Variants in RIGI observed in about 807,000 individuals in gnomAD.
The protein encoded by RIGI is RNA sensor RIG-I.
chr9:32,502,685 G>C, the RIGI span, among the ~76,000 whole-genome samples: 8 of 152,152 alleles, frequency 5.3e-5, no homozygotes, highest in South Asian at 2.1e-4. Flanking sequence ...GAAGGCTCTG[G>C]GGAGAATGCA....
chr9:32,479,574 T>A, the RIGI span, among the ~76,000 whole-genome samples: 1 of 152,134 alleles, frequency 6.6e-6, no homozygotes, highest in African/African-American at 2.4e-5. Flanking sequence ...CAGTGGCTCA[T>A]GCCTGTAATT....
At chr9:32,476,263 A>G in the RIGI span, among the ~76,000 whole-genome samples, 1 of 152,206 alleles carries the variant, frequency 6.6e-6, no homozygotes, top group Non-Finnish European at 1.5e-5. Flanking sequence ...TGAGAGGGCA[A>G]GGTGGGAGGA....
the RIGI span, among the ~76,000 whole-genome samples, chr9:32,522,305 A>T: frequency 6.6e-6 from 1 of 152,198 alleles, no homozygotes. Flanking sequence ...TACCCTTTTA[A>T]ACAGAATTTG....
At chr9:32,480,414 A>C in the RIGI span, 1 of 1,449,992 alleles carries the variant, frequency 6.9e-7, no homozygotes, top group Non-Finnish European at 9.3e-7. Flanking sequence ...CACTGTATTT[A>C]AGTTCAATTC....
At chr9:32,474,367 GC>G in the RIGI span, among the ~76,000 whole-genome samples, 1 of 152,142 alleles carries the variant, frequency 6.6e-6, no homozygotes, top group African/African-American at 2.4e-5. Context: ...CTCTAAGGTA[GC>G]CCTCAATGAT....
the RIGI span, chr9:32,477,202 T>C: frequency 5.1e-6 from 8 of 1,555,438 alleles, no homozygotes; most frequent in Non-Finnish European, 7.0e-6. Flanking sequence ...GACCTTTAGC[T>C]ATCGTTCAAA....
At chr9:32,477,823 G>T in the RIGI span, among the ~76,000 whole-genome samples, 2 of 151,904 alleles carry the variant, frequency 1.3e-5, no homozygotes, top group African/African-American at 2.4e-5. Flanking sequence ...TCCTCAGGAG[G>T]ATGAGGCAGG....
chr9:32,461,044 GAAAA>G, the RIGI span, among the ~76,000 whole-genome samples: 11 of 145,606 alleles, frequency 7.6e-5, no homozygotes, highest in African/African-American at 1.3e-4. Context: ...AAAGCAGCCA[GAAAA>G]AAAAAAAAAA....
the RIGI span, among the ~76,000 whole-genome samples, chr9:32,499,226 T>C: frequency 3.2e-5 from 4 of 124,084 alleles, no homozygotes; most frequent in South Asian, 1.1e-3. Context: ...TTTTTCCAGT[T>C]GATTTTAAGA....
At chr9:32,525,979 T>G in the RIGI span, 1 of 1,093,152 alleles carries the variant, frequency 9.1e-7, no homozygotes, top group Non-Finnish European at 1.4e-6. Flanking sequence ...CTCTCTGCAT[T>G]GATTAAAAGA....
the RIGI span, chr9:32,480,229 CTGAG>C: frequency 6.3e-7 from 1 of 1,596,776 alleles, no homozygotes; most frequent in Non-Finnish European, 8.6e-7. Flanking sequence ...CTTCAAATCT[CTGAG>C]TAAGATCTTG....
the RIGI span, among the ~76,000 whole-genome samples, chr9:32,482,436 C>T: frequency 6.6e-6 from 1 of 152,204 alleles, no homozygotes; most frequent in Non-Finnish European, 1.5e-5. Context: ...CCAAGCTCTA[C>T]TGGCTCTATG....
At chr9:32,467,825 G>A in the RIGI span, 3 of 1,613,740 alleles carry the variant, frequency 1.9e-6, no homozygotes, top group Admixed American at 1.7e-5. Context: ...AGATTGCACT[G>A]TGCAATGTCA....
the RIGI span, among the ~76,000 whole-genome samples, chr9:32,464,599 A>C: frequency 6.6e-6 from 1 of 151,994 alleles, no homozygotes; most frequent in Non-Finnish European, 1.5e-5. Flanking sequence ...CCGTGGTCTC[A>C]ATCTCCTGAC....
the RIGI span, chr9:32,494,022 T>G: frequency 9.3e-7 from 1 of 1,074,578 alleles, no homozygotes; most frequent in Non-Finnish European, 1.3e-6. Flanking sequence ...AGAAATCATG[T>G]TTGAATGTAT....
At chr9:32,526,000 G>T in the RIGI span, 2 of 1,283,656 alleles carry the variant, frequency 1.6e-6, no homozygotes, top group Non-Finnish European at 2.3e-6. Context: ...AGGGAACGAA[G>T]CAAGAGAAAA....
At chr9:32,465,449 C>G in the RIGI span, among the ~76,000 whole-genome samples, 5 of 152,192 alleles carry the variant, frequency 3.3e-5, no homozygotes, top group Non-Finnish European at 7.3e-5. Flanking sequence ...TGAAGTTAAA[C>G]TATGTCTCAC....
the RIGI span, among the ~76,000 whole-genome samples, chr9:32,521,466 A>G: frequency 6.6e-6 from 1 of 152,262 alleles, no homozygotes; most frequent in African/African-American, 2.4e-5. Context: ...TTTTGGCTAA[A>G]TGAATAACTA....
the RIGI span, chr9:32,489,493 C>G: frequency 1.5e-6 from 2 of 1,318,920 alleles, no homozygotes; most frequent in Non-Finnish European, 2.2e-6. Context: ...AGTTCCTGCT[C>G]TGAGGAATCA....
Sources: gnomAD v4.1 joint callset for allele counts (sites outside exome capture counted in the v4.1 genomes callset) on GRCh38, gnomAD v4.1.1 for gene constraint, MANE v1.5 for transcripts, NCBI Gene and HGNC (gene_info 2026-07-23, HGNC 2026-07-21) for gene names.